LONRF3: variants seen among roughly 807,000 people sequenced by gnomAD.
LONRF3 encodes LON peptidase N-terminal domain and ring finger 3.
LONRF3 carries 19 observed loss-of-function variants against 51.7 expected under a neutral mutation model. The observed-to-expected ratio is 0.37, with a 90% CI of 0.26 to 0.54. The LOEUF is 0.54. Among genes scored for constraint, LONRF3 ranks in the 20% least tolerant of loss-of-function variants. The pLI is 0.86. For missense variants in LONRF3, 521 were observed against 623.9 expected, an observed-to-expected ratio of 0.84 and a Z score of 1.76; for synonymous variants, 265 against 257.8, an observed-to-expected ratio of 1.03 and a Z score of -0.27.
At chrX:119,013,290 C>A in intron 9 of LONRF3, 89 bp downstream of exon 9, 1 of 921,283 alleles carries the variant, frequency 1.1e-6, no homozygotes, top group Non-Finnish European at 1.5e-6. Context: ...TTCTCAGAAC[C>A]CTTGAGGGCC....
intron 3 of LONRF3, among the ~76,000 whole-genome samples, chrX:118,988,558 A>G (rs1287867486): frequency 1.8e-5 from 2 of 110,987 alleles, no homozygotes; most frequent in African/African-American, 3.3e-5. Flanking sequence ...TCCCAGCTAT[A>G]TGCTCCCCTT....
In LONRF3 at chrX:118,989,656, T is replaced by G. The variant is rs1923276724; in HGVS notation, c.1308T>G (p.Asn436Lys). ...IESQEETGMP[N>K]KASKQDPPTD... ...CCCAAGAAGAAACGGGGATGCCTAA[T>G]AAAGCCTCCAAGCAAGGTACTGGCT... The change falls in exon 4 of 11, where the codon AAT becomes AAG. Residue 436 changes from asparagine (N) to lysine (K), a missense_variant. By Grantham distance (94) the Asn-to-Lys change is moderately conservative. Transcript: ENST00000371628. 1 of 1,209,724 alleles carries G rather than the reference T, an allele frequency of 8.3e-7. No homozygotes were observed. Among genetic ancestry groups the G allele is most frequent in the East Asian group, 3.0e-5 (1 of 33,808 alleles).
At chrX:118,983,343 A>G (rs1429257339) in intron 3 of LONRF3, among the ~76,000 whole-genome samples, 4 of 111,781 alleles carry the variant, frequency 3.6e-5, no homozygotes, top group South Asian at 3.8e-4. Flanking sequence ...CTTTGGCTGA[A>G]TCACAGTTTT....
intron 7 of LONRF3, among the ~76,000 whole-genome samples, chrX:119,009,519 G>A (rs933034856): frequency 8.9e-6 from 1 of 111,863 alleles, no homozygotes; most frequent in African/African-American, 3.3e-5. Flanking sequence ...CAGTAACAGG[G>A]TATTGTTGGC....
chrX:118,982,169 A>T (rs1282171669), intron 2 of LONRF3, among the ~76,000 whole-genome samples: 1 of 112,009 alleles, frequency 8.9e-6, no homozygotes, highest in East Asian at 2.8e-4. Flanking sequence ...AGGGAGCAGA[A>T]GTGATCCAGG....
chrX:118,981,466 A>G (rs1336505341), intron 2 of LONRF3, among the ~76,000 whole-genome samples: 1 of 91,396 alleles, frequency 1.1e-5, no homozygotes, highest in African/African-American at 4.1e-5. Flanking sequence ...CCTGGGTGAC[A>G]GAGCAAGATT....
intron 10 of LONRF3, among the ~76,000 whole-genome samples, 198 bp from the exon 11 acceptor site, chrX:119,017,337 G>A (rs1925531851): frequency 8.9e-6 from 1 of 112,032 alleles, no homozygotes. Context: ...TAGCTGCAAG[G>A]GAAGCTGAGA....
rs12859422 is a variant in LONRF3, at chrX:119,012,050, G to A, written c.1811+77G>A. 4,085 of 1,048,871 alleles carry A rather than the reference G, an allele frequency of 3.9e-3. 75 individuals are homozygous for A. The African/African-American group carries it at 0.062, about 16-fold the overall frequency. The allele number at this position is 1,048,871 out of a possible 1,213,427, so 86.4% of individuals were successfully genotyped here. ...GTTTTACTTTGGGGTACTCCCAGGA[G>A]ACAGGGAGGCCTAGCTCATGAGGTT... On this transcript the variant is annotated intron_variant, in intron 8 of 10. Coordinates refer to ENST00000371628, the MANE Select transcript of LONRF3 (RefSeq NM_001031855.3).
intron 1 of LONRF3, chrX:118,976,539 C>T (rs918858360): frequency 2.7e-5 from 3 of 111,076 alleles, no homozygotes; most frequent in Non-Finnish European, 5.7e-5. Flanking sequence ...TTGGGGATCC[C>T]TGGGGACCGT....
At chrX:118,979,202 A>G (rs1265937701) in intron 2 of LONRF3, among the ~76,000 whole-genome samples, 1 of 107,308 alleles carries the variant, frequency 9.3e-6, no homozygotes, top group Non-Finnish European at 1.9e-5. Flanking sequence ...ACAGGTTTTC[A>G]CCGTGTTAGC....
At chrX:118,981,942 G>A (rs953063507) in intron 2 of LONRF3, among the ~76,000 whole-genome samples, 6 of 111,750 alleles carry the variant, frequency 5.4e-5, no homozygotes, top group Admixed American at 1.9e-4. Context: ...GTGGAGGGAC[G>A]TCCTAGATGA....
chrX:118,990,409 G>C (rs916876608), intron 4 of LONRF3, 61 bp from the exon 5 acceptor site: 9 of 898,814 alleles, frequency 1.0e-5, no homozygotes, highest in African/African-American at 7.9e-5. Flanking sequence ...TTTTGCCTCA[G>C]AAGTACTATC....
Position 118,974,995 on chromosome X carries a change from C to T in LONRF3, c.215C>T (p.Thr72Met). The T allele has an allele frequency of 8.5e-7, 1 of 1,172,839 alleles. No individual in the cohort carries two copies. Among genetic ancestry groups the T allele is most frequent in the South Asian group, 1.9e-5 (1 of 52,928 alleles). ...TSTPESKVLL[T>M]QADALASRGR... ...ACGCCGGAGAGCAAAGTCCTGCTCA[C>T]GCAGGCAGACGCCTTGGCGTCCCGG... The change falls in exon 1 of 11, where the codon ACG (threonine) becomes ATG (methionine). Residue 72 changes from threonine to methionine, a missense_variant. By Grantham distance (81) the Thr-to-Met change is moderately conservative. Around this residue, in one of 2 missense-constraint regions of LONRF3, gnomAD observed 376 missense variants for 376.7 expected, o/e 1.00. Coordinates refer to ENST00000371628, the MANE Select transcript of LONRF3 (RefSeq NM_001031855.3).
chrX:118,992,270 G>A (rs1024697822), intron 5 of LONRF3, among the ~76,000 whole-genome samples: 12 of 111,233 alleles, frequency 1.1e-4, no homozygotes, highest in Non-Finnish European at 2.1e-4. Context: ...AAATAGCCTC[G>A]GTCGAGTTCT....
intron 5 of LONRF3, among the ~76,000 whole-genome samples, chrX:119,002,173 T>C (rs943615693): frequency 1.8e-5 from 2 of 112,437 alleles, no homozygotes; most frequent in African/African-American, 6.5e-5. Flanking sequence ...GATACTTATG[T>C]AACCCCTCTC....
chrX:118,975,725 TGGCGGGG>T, intron 1 of LONRF3, 128 bp downstream of exon 1: 1 of 40,060 alleles, frequency 2.5e-5, no homozygotes, highest in Non-Finnish European at 4.8e-5. Context: ...CCATGGACTG[TGGCGGGG>T]TGGGGGAGGG....
intron 5 of LONRF3, among the ~76,000 whole-genome samples, chrX:118,998,939 C>T (rs748654372): frequency 1.8e-5 from 2 of 112,385 alleles, no homozygotes; most frequent in South Asian, 7.4e-4. Flanking sequence ...GGATTACAGG[C>T]GTGAGCCACT....
intron 5 of LONRF3, 145 bp downstream of exon 5, chrX:118,990,705 A>G: frequency 2.1e-6 from 1 of 478,766 alleles, no homozygotes; most frequent in South Asian, 3.3e-5. Flanking sequence ...TGATTGTCAC[A>G]TGGGTCAGCT....
At chrX:119,014,450 C>T in intron 10 of LONRF3, 94 bp downstream of exon 10, 1 of 805,941 alleles carries the variant, frequency 1.2e-6, no homozygotes, top group Non-Finnish European at 1.8e-6. Context: ...CCATTCAGCA[C>T]ATCGAATGCA....
Sources: allele counts gnomAD v4.1 joint callset (sites outside exome capture counted in the v4.1 genomes callset), GRCh38; gene constraint gnomAD v4.1.1; regional missense constraint gnomAD v4.1.1; transcripts MANE v1.5; gene names NCBI Gene and HGNC (gene_info 2026-07-23, HGNC 2026-07-21).